Variants in ZKSCAN2 observed in about 807,000 individuals in gnomAD.
ZKSCAN2 encodes zinc finger with KRAB and SCAN domains 2.
In ZKSCAN2, 38 loss-of-function variants were observed where a neutral mutation model predicts 90.5. The ratio of observed to expected loss-of-function variants is 0.42; its 90% confidence interval spans 0.32 to 0.55. ZKSCAN2 has a LOEUF of 0.55. Ranked by LOEUF, ZKSCAN2 falls within the 20% of genes least tolerant of loss-of-function variation. The pLI is 0.11. For missense variants in ZKSCAN2, 1,167 were observed against 1,202.6 expected (o/e 0.97, Z 0.44); for synonymous variants, 429 against 421.6 (o/e 1.02, Z -0.22).
rs1963114643 is a variant in ZKSCAN2 at position 25,257,010 on chromosome 16, T to C, written c.118A>G (p.Ser40Gly). 1 of 1,614,216 alleles carries C rather than the reference T, an allele frequency of 6.2e-7. No individual in the cohort carries two copies. Among genetic ancestry groups the C allele is most frequent in the Non-Finnish European group, 8.5e-7 (1 of 1,180,028 alleles). Residue 40 changes from serine to glycine, a missense_variant, in exon 1 of 7, where the codon AGC becomes GGC. By Grantham distance (56) the Ser-to-Gly change is moderately conservative. Coordinates refer to ENST00000328086, the MANE Select transcript of ZKSCAN2 (RefSeq NM_001012981.5). ...AAGCATTTGCGGAAGGTCTCAGAGC[T>C]ATCCGATCCTTCCAGAATGGGCTCT... ...ASEPILEGSD[S>G]SETFRKCFRQ...
Position 25,240,183 on chromosome 16 carries a change from A to C in ZKSCAN2, c.2537T>G (p.Leu846Arg). The part of the protein sequence containing the change: ...CGKCFSQSSS[L>R]IIHQRTHTGE... ...GGTGTGCGTTCTCTGATGTATAATA[A>C]GACTAGAGCTCTGACTAAAGCATTT... is the stretch of plus-strand genomic sequence containing the variant. Residue 846 changes from leucine (L) to arginine (R), a missense_variant, in exon 7 of 7, where the codon CTT becomes CGT. Leu to Arg is a moderately radical substitution (Grantham distance 102). Coordinates refer to ENST00000328086, the MANE Select transcript of ZKSCAN2 (RefSeq NM_001012981.5). 3.7e-6 allele frequency: 6 copies of C among 1,614,150 alleles called. No individual in the cohort carries two copies. The highest frequency in any genetic ancestry group is 5.1e-6 in the Non-Finnish European group (6 of 1,180,036).
At chr16:25,252,097 A>G (rs1400004702) in intron 3 of ZKSCAN2, 62 bp from the exon 4 acceptor site, 2 of 1,590,602 alleles carry the variant, frequency 1.3e-6, no homozygotes, top group Non-Finnish European at 1.7e-6. Context: ...AAGGATGAGC[A>G]ATCACAGATG....
intron 2 of ZKSCAN2, among the ~76,000 whole-genome samples, chr16:25,254,250 T>C (rs972008893): frequency 1.3e-5 from 2 of 152,176 alleles, no homozygotes; most frequent in Admixed American, 6.5e-5. Context: ...TGACGGCAGG[T>C]TTAGTGATGT....
At chr16:25,254,959 AAT>A (rs1491522801) in intron 2 of ZKSCAN2, among the ~76,000 whole-genome samples, 4 of 147,588 alleles carry the variant, frequency 2.7e-5, no homozygotes, top group African/African-American at 5.0e-5. Context: ...ACACCTGGCT[AAT>A]ATTTTTTTTT....
chr16:25,252,038 G>A lies in ZKSCAN2; in HGVS notation c.679-3C>T, dbSNP rs1349368178. The A allele has an allele frequency of 3.1e-6, 5 of 1,613,988 alleles. No individual in the cohort carries two copies. The highest frequency in any genetic ancestry group is 1.3e-5 in the African/African-American group (1 of 75,030). ...ACGTGGACATCTTTCACTGGTTCCT[G>A]TAATGACACTAACACCAATGACTAC... On this transcript the variant is annotated splice_polypyrimidine_tract_variant and splice_region_variant and intron_variant, in intron 3 of 6. Coordinates refer to ENST00000328086, the MANE Select transcript of ZKSCAN2 (RefSeq NM_001012981.5).
In ZKSCAN2 at chr16:25,243,858, C is replaced by T; in HGVS notation, c.1908G>A (p.Glu636=). ...QEAVIEDSCS[E]RMSEEEIVQE... ...GCACAATTTCCTCCTCGCTCATTCT[C>T]TCACTGCAAGAGTCTTCTATTACTG... The change falls in exon 6 of 7, where the codon GAG becomes GAA. Residue 636 remains glutamate (E), a synonymous_variant. Transcript: ENST00000328086. 1.9e-6 allele frequency: 3 copies of T among 1,614,130 alleles called. No homozygotes were observed. The highest frequency in any genetic ancestry group is 2.5e-6 in the Non-Finnish European group (3 of 1,180,020).
chr16:25,251,986 C>A lies in ZKSCAN2; in HGVS notation c.728G>T (p.Ser243Ile). Residue 243 changes from serine to isoleucine, a missense_variant, in exon 4 of 7, where the codon AGT (serine) becomes ATT (isoleucine). By Grantham distance (142) the Ser-to-Ile change is moderately radical. Transcript: ENST00000328086. ...CCTTTGGGCAGGAATCTGATGCACA[C>A]TCTTTCTGTAGGAAAAGCCTCTGGC... ...HVARGFSYRK[S>I]VHQIPAQRDL... 1 of 1,614,200 alleles carries A rather than the reference C, an allele frequency of 6.2e-7. No individual in the cohort carries two copies. Among genetic ancestry groups the A allele is most frequent in the Non-Finnish European group, 8.5e-7 (1 of 1,180,012 alleles).
intron 5 of ZKSCAN2, 67 bp downstream of exon 5, chr16:25,246,640 G>A (rs760798874): frequency 1.3e-6 from 2 of 1,576,772 alleles, no homozygotes; most frequent in African/African-American, 2.7e-5. Flanking sequence ...GCCACTTCTG[G>A]TCTACTCCTT....
chr16:25,247,121 G>T lies in ZKSCAN2; in HGVS notation c.1075C>A (p.Arg359Ser). ...CAGGCCTGAAGTGTTTCATAAAAGC[G>T]AGACTCTTTGAGAATTGCCAGGAAA... is the stretch of plus-strand genomic sequence containing the variant. ...KTFLAILKESRFYETLQACPR... is the reference protein window; with the variant it reads ...KTFLAILKESSFYETLQACPR... Residue 359 changes from arginine to serine, a missense_variant, in exon 5 of 7, where the codon CGC becomes AGC. Transcript: ENST00000328086. 6.2e-7 allele frequency: 1 copy of T among 1,614,176 alleles called. No homozygotes were observed. Among genetic ancestry groups the T allele is most frequent in the Non-Finnish European group, 8.5e-7 (1 of 1,180,040 alleles).
chr16:25,250,282 C>T (rs1291171895), intron 4 of ZKSCAN2, among the ~76,000 whole-genome samples: 1 of 152,022 alleles, frequency 6.6e-6, no homozygotes, highest in East Asian at 1.9e-4. Context: ...GCACTCCAGC[C>T]TGGGTGAGAG....
Position 25,257,545 on chromosome 16 carries a change from T to C in ZKSCAN2, c.-418A>G, listed in dbSNP as rs753402947. 2.6e-5 allele frequency: 25 copies of C among 979,712 alleles called. No homozygotes were observed. The highest frequency in any genetic ancestry group is 3.0e-5 in the Non-Finnish European group (25 of 824,714). 60.7% of individuals were successfully genotyped at this position (979,712 alleles called of 1,614,324 possible). ...GCGGAGAGGCGAGTCCCCGAGTGGG[T>C]GGGGCCGGATGTGCAGGCCCCGCCC... On this transcript the variant is annotated 5_prime_UTR_variant, in exon 1 of 7. Transcript: ENST00000328086.
Position 25,247,267 on chromosome 16 carries a change from G to A in ZKSCAN2, c.929C>T (p.Ser310Leu). The A allele has an allele frequency of 1.2e-6, 2 of 1,614,172 alleles. No individual in the cohort carries two copies. The highest frequency in any genetic ancestry group is 1.3e-5 in the African/African-American group (1 of 75,048). ...ILRSNYVKEK[S>L]VHAIQVPARS... ...TGCAGGGACCTGAATAGCATGAACT[G>A]ACTTTTCCTTGACGTAGTTGCTTCG... The change falls in exon 5 of 7, where the codon TCA (serine) becomes TTA (leucine). Residue 310 changes from serine to leucine, a missense_variant. Physicochemically the swap from Ser to Leu is moderately radical, Grantham distance 145. Transcript: ENST00000328086.
chr16:25,239,069 A>C lies in ZKSCAN2; in HGVS notation c.*747T>G, dbSNP rs565319581. On this transcript the variant is annotated 3_prime_UTR_variant, in exon 7 of 7. Coordinates refer to ENST00000328086, the MANE Select transcript of ZKSCAN2 (RefSeq NM_001012981.5). ...GCAACTGAGAGGCAAGTGCAGGGCTATGAGAAACAGTAGGAGGACCTGGGA... is the reference window on the plus strand; with the variant it reads ...GCAACTGAGAGGCAAGTGCAGGGCTCTGAGAAACAGTAGGAGGACCTGGGA... 1 of 152,866 alleles carries C rather than the reference A, an allele frequency of 6.5e-6. No homozygotes were observed. The highest frequency in any genetic ancestry group is 1.9e-4 in the East Asian group (1 of 5,176). 9.5% of individuals were successfully genotyped at this position (152,866 alleles called of 1,614,324 possible).
intron 2 of ZKSCAN2, 108 bp downstream of exon 2, chr16:25,255,098 T>G: frequency 8.7e-7 from 1 of 1,148,602 alleles, no homozygotes; most frequent in East Asian, 2.6e-5. Context: ...TTTCTCCTAT[T>G]CTGAATATGT....
intron 2 of ZKSCAN2, among the ~76,000 whole-genome samples, chr16:25,254,944 C>T (rs1277705395): frequency 6.6e-6 from 1 of 151,816 alleles, no homozygotes; most frequent in Non-Finnish European, 1.5e-5. Context: ...CAGGTGCACG[C>T]CAACACACCT....
At position 25,247,301 on chromosome 16, in the gene ZKSCAN2, T is replaced by G. The variant is rs1321214229; in HGVS notation, c.895A>C (p.Ser299Arg). 1.2e-6 allele frequency: 2 copies of G among 1,614,048 alleles called. No homozygotes were observed. The highest frequency in any genetic ancestry group is 1.6e-4 in the Middle Eastern group (1 of 6,084). The change falls in exon 5 of 7, where the codon AGT becomes CGT. Residue 299 changes from serine (S) to arginine (R), a missense_variant. Coordinates refer to ENST00000328086, the MANE Select transcript of ZKSCAN2 (RefSeq NM_001012981.5). ...TLGLHSSNKR[S>R]ILRSNYVKEK... is the part of the protein sequence containing the mutation. ...TTGACGTAGTTGCTTCGTAGGATAC[T>G]TCTCTTGTTAGAGGAATGCAGACCT...
chr16:25,245,261 T>C (rs1887272457), intron 5 of ZKSCAN2, among the ~76,000 whole-genome samples: 1 of 152,160 alleles, frequency 6.6e-6, no homozygotes, highest in African/African-American at 2.4e-5. Context: ...TGTGCCACCA[T>C]GCCTGGCTAA....
intron 2 of ZKSCAN2, among the ~76,000 whole-genome samples, chr16:25,254,451 T>C (rs896749004): frequency 1.3e-5 from 2 of 152,244 alleles, no homozygotes; most frequent in Non-Finnish European, 2.9e-5. Context: ...ATGCCACTTC[T>C]GTGATGGCCT....
intron 1 of ZKSCAN2, among the ~76,000 whole-genome samples, 181 bp downstream of exon 1, chr16:25,256,548 G>A (rs1408476145): frequency 6.6e-6 from 1 of 152,068 alleles, no homozygotes; most frequent in Non-Finnish European, 1.5e-5. Flanking sequence ...TCTATTTCAT[G>A]TGAAATTCTG....
Sources: allele counts gnomAD v4.1 joint callset (sites outside exome capture counted in the v4.1 genomes callset), GRCh38; gene constraint gnomAD v4.1.1; transcripts MANE v1.5; gene names NCBI Gene and HGNC (gene_info 2026-07-23, HGNC 2026-07-21).